Variants in PCDHGB3 observed in about 807,000 individuals in gnomAD.
PCDHGB3 encodes protocadherin gamma subfamily B, 3, also known as protocadherin gamma-B3.
In PCDHGB3, 40 loss-of-function variants were observed where a neutral mutation model predicts 59.2. The observed-to-expected ratio is 0.68, with a 90% CI of 0.52 to 0.88. PCDHGB3 has a LOEUF of 0.88. Ranked by LOEUF, PCDHGB3 falls within the 40% of genes least tolerant of loss-of-function variation. The pLI is 0.00. For missense variants in PCDHGB3, 1,309 were observed against 1,187.9 expected (o/e 1.10, Z -1.50); for synonymous variants, 581 against 503.6 (o/e 1.15, Z -2.06).
Position 141,434,451 on chromosome 5 carries a change from A to T in PCDHGB3, c.2416-60356A>T, listed in dbSNP as rs145324240. 3.9e-3 allele frequency among the ~76,000 whole-genome samples: 589 copies of T among 152,326 alleles called. 6 individuals carry two copies. The highest frequency in any genetic ancestry group is 0.011 in the Admixed American group (170 of 15,298). ...GGCCGTAATGCCCATGCTGGAAGGTAGTGGGTTTACCGGAATGAGGGCAAG... is the reference window on the plus strand; with the variant it reads ...GGCCGTAATGCCCATGCTGGAAGGTTGTGGGTTTACCGGAATGAGGGCAAG... On this transcript the variant is annotated intron_variant, in intron 1 of 3. Transcript: ENST00000576222.
intron 1 of PCDHGB3, among the ~76,000 whole-genome samples, chr5:141,468,946 C>T (rs1437282358): frequency 7.0e-6 from 1 of 141,900 alleles, no homozygotes; most frequent in East Asian, 2.0e-4. Context: ...ATGGGGTAAA[C>T]CTGTGGTTTT....
At chr5:141,497,722 T>C (rs1395904793) in intron 2 of PCDHGB3, among the ~76,000 whole-genome samples, 1 of 152,030 alleles carries the variant, frequency 6.6e-6, no homozygotes, top group Non-Finnish European at 1.5e-5. Flanking sequence ...GTATTTTTAG[T>C]AGAGATGGGT....
chr5:141,389,780 C>T (rs746524585), intron 1 of PCDHGB3: 1 of 1,613,310 alleles, frequency 6.2e-7, no homozygotes, highest in South Asian at 1.1e-5. Flanking sequence ...CCTTAGGCGA[C>T]AGGGACGCCG....
In PCDHGB3 at chr5:141,511,173, A is replaced by T. The variant is rs1384881403; in HGVS notation, c.2790A>T (p.Ter930TyrextTer31). ...AGTCGGGCAAGAAGGAGAAGAAGTA[A>T]CATGGAGGCCAGGCCAAGAGCCACA... ...KKKSGKKEKK[*>Y] Residue 930 changes from the stop codon to tyrosine, a stop_lost, in exon 4 of 4, where the codon TAA (stop) becomes TAT (tyrosine). Coordinates refer to ENST00000576222, the MANE Select transcript of PCDHGB3 (RefSeq NM_018924.5). 6.2e-7 allele frequency: 1 copy of T among 1,614,132 alleles called. No homozygotes were observed.
chr5:141,476,714 C>A lies in PCDHGB3; in HGVS notation c.2416-18093C>A, dbSNP rs146188020. 1 of 1,614,154 alleles carries A rather than the reference C, an allele frequency of 6.2e-7. No homozygotes were observed. The highest frequency in any genetic ancestry group is 1.1e-5 in the South Asian group (1 of 91,078). ...CAAGTACGCGGAGCTGGTGTTGGAG[C>A]GCGCCCTGGACCGAGAACGGGAGCC... On this transcript the variant is annotated intron_variant, in intron 1 of 3. Transcript: ENST00000576222. This position sits in a 1 kb window ranked among gnomAD's most constrained non-coding sequence, Gnocchi z 7.6.
At chr5:141,398,009 C>T (rs1589315775) in intron 1 of PCDHGB3, 2 of 1,400,564 alleles carry the variant, frequency 1.4e-6, no homozygotes, top group Non-Finnish European at 1.9e-6. Flanking sequence ...GAAAAAGAAT[C>T]GTTTCCTAAA....
At chr5:141,484,437 T>C (rs2099596528) in intron 1 of PCDHGB3, among the ~76,000 whole-genome samples, 1 of 152,232 alleles carries the variant, frequency 6.6e-6, no homozygotes, top group African/African-American at 2.4e-5. Context: ...ATGTACTGCA[T>C]AAATTTAATT....
At chr5:141,428,187 C>A in intron 1 of PCDHGB3, 1 of 1,439,502 alleles carries the variant, frequency 6.9e-7, no homozygotes, top group Non-Finnish European at 9.6e-7. Flanking sequence ...GGACAGCCGC[C>A]GCTCTCTGCG....
In PCDHGB3 at chr5:141,407,971, G is replaced by C. The variant is rs1399304138; in HGVS notation, c.2415+35162G>C. The C allele has an allele frequency of 7.0e-5, 50 of 717,762 alleles. No homozygotes were observed. In the South Asian group the frequency reaches 1.2e-3, roughly 17 times the overall value. 44.5% of individuals were successfully genotyped at this position (717,762 alleles called of 1,614,324 possible). On this transcript the variant is annotated intron_variant, in intron 1 of 3. Coordinates refer to ENST00000576222, the MANE Select transcript of PCDHGB3 (RefSeq NM_018924.5). The stretch of plus-strand genomic sequence containing the variant: ...CGGCCAGTGCAGAGCAAGCGCTGAC[G>C]CCGGGGATCCGTCAGCCTCTGGCCT...
chr5:141,371,738 C>T lies in PCDHGB3; in HGVS notation c.1344C>T (p.Asn448=). The T allele has an allele frequency of 1.2e-6, 2 of 1,614,052 alleles. No individual in the cohort carries two copies. The highest frequency in any genetic ancestry group is 1.7e-6 in the Non-Finnish European group (2 of 1,179,898). The stretch of plus-strand genomic sequence containing the variant: ...TGCACATCCTTGATGTCAACGACAA[C>T]GTTCCCGTTTTCCACCAGGCCTCCT... The part of the protein sequence containing the change: ...ITLHILDVND[N]VPVFHQASYT... Residue 448 remains asparagine (N), a synonymous_variant, in exon 1 of 4, where the codon AAC becomes AAT. Coordinates refer to ENST00000576222, the MANE Select transcript of PCDHGB3 (RefSeq NM_018924.5).
At chr5:141,392,349 A>T (rs60903062) in intron 1 of PCDHGB3, 6,500 of 152,632 alleles carry the variant, frequency 0.043, 224 homozygotes, top group African/African-American at 0.093. Context: ...GAGTAATTTA[A>T]TCCGATGCTA....
chr5:141,374,903 C>T, intron 1 of PCDHGB3: 5 of 1,613,798 alleles, frequency 3.1e-6, no homozygotes, highest in Non-Finnish European at 4.2e-6. Flanking sequence ...TGAAGGAGTC[C>T]ACGGGGAAGT....
intron 2 of PCDHGB3, among the ~76,000 whole-genome samples, chr5:141,495,440 A>G (rs2099761377): frequency 6.6e-6 from 1 of 151,898 alleles, no homozygotes; most frequent in African/African-American, 2.4e-5. Context: ...CTCTGCCCCT[A>G]CTTGTCCTGC....
At chr5:141,471,309 C>T (rs140651182) in intron 1 of PCDHGB3, 8,212 of 152,202 alleles carry the variant, frequency 0.054, 462 homozygotes, top group African/African-American at 0.15. Flanking sequence ...ACTCGGCCTC[C>T]CAAAGTGCTG....
At chr5:141,425,173 T>A (rs182492696) in intron 1 of PCDHGB3, among the ~76,000 whole-genome samples, 5 of 152,284 alleles carry the variant, frequency 3.3e-5, no homozygotes, top group Admixed American at 3.3e-4. Context: ...GGATTTATAC[T>A]TGTGGAATTC....
At chr5:141,409,511 A>C in intron 1 of PCDHGB3, 1 of 1,614,018 alleles carries the variant, frequency 6.2e-7, no homozygotes, top group Non-Finnish European at 8.5e-7. Flanking sequence ...TTCCAGTAGA[A>C]GCATCACCTT....
chr5:141,410,530 T>C (rs1400165380), intron 1 of PCDHGB3: 1 of 1,613,956 alleles, frequency 6.2e-7, no homozygotes, highest in South Asian at 1.1e-5. Context: ...TACATTCCAA[T>C]GAAGACATGG....
At chr5:141,389,585 C>G in intron 1 of PCDHGB3, 1 of 1,613,182 alleles carries the variant, frequency 6.2e-7, no homozygotes, top group Non-Finnish European at 8.5e-7. Context: ...CGCTGGGTCC[C>G]GACGGCTCTG....
chr5:141,419,701 C>T (rs1268060859), intron 1 of PCDHGB3: 7 of 1,612,860 alleles, frequency 4.3e-6, no homozygotes, highest in Non-Finnish European at 5.9e-6. Flanking sequence ...CCAGTGAGCC[C>T]GGGCTCTTCA....
Sources: gnomAD v4.1 joint callset for allele counts (sites outside exome capture counted in the v4.1 genomes callset) on GRCh38, gnomAD v4.1.1 for gene constraint, Gnocchi (gnomAD v3.1) non-coding constraint, MANE v1.5 for transcripts, NCBI Gene and HGNC (gene_info 2026-07-23, HGNC 2026-07-21) for gene names.